The following WDR27 variants were observed in gnomAD, a reference collection of about 807,000 sequenced individuals.
WDR27 encodes the protein WD repeat domain 27, also known as WD repeat-containing protein 27.
WDR27 carries 100 observed loss-of-function variants against 114.4 expected under a neutral mutation model. The ratio of observed to expected loss-of-function variants is 0.87; its 90% CI spans 0.74 to 1.03. The LOEUF (loss-of-function observed/expected upper bound fraction) is 1.03. Among genes scored for constraint, WDR27 ranks in the 50% least tolerant of loss-of-function variants. The pLI is 0.00. For missense variants in WDR27, 1,129 were observed against 1,092.9 expected (o/e 1.03, Z -0.47); for synonymous variants, 449 against 423.1 (o/e 1.06, Z -0.75).
chr6:169,637,821 A>C (rs1424313082), intron 18 of WDR27, among the ~76,000 whole-genome samples: 1 of 151,812 alleles, frequency 6.6e-6, no homozygotes, highest in Non-Finnish European at 1.5e-5. Flanking sequence ...GCAAGTATGT[A>C]AGTGTGCGTA....
Position 169,654,530 on chromosome 6 carries a change from G to A in WDR27, c.1403-2522C>T, listed in dbSNP as rs957683131. 2.6e-5 allele frequency among the ~76,000 whole-genome samples: 4 copies of A among 152,210 alleles called. No homozygotes were observed. In the South Asian group the frequency reaches 6.2e-4, roughly 24 times the overall value. On this transcript the variant is annotated intron_variant, in intron 13 of 25. Transcript: ENST00000448612. ...CGAAATCATAAGACACCTCTGTATC[G>A]TCACTGGTTGCCAGACGGCTCAGGA...
intron 25 of WDR27, among the ~76,000 whole-genome samples, chr6:169,499,719 C>T (rs73789970): frequency 0.018 from 2,726 of 152,322 alleles, 82 homozygotes; most frequent in African/African-American, 0.062. Context: ...CTGCCACAGA[C>T]AGGCTCCTGT....
downstream of WDR27, among the ~76,000 whole-genome samples, chr6:169,453,856 TA>T (rs1258926398): frequency 6.6e-6 from 1 of 152,186 alleles, no homozygotes; most frequent in Non-Finnish European, 1.5e-5. Flanking sequence ...ACTTATAACC[TA>T]AACACAAAGC....
intron 24 of WDR27, among the ~76,000 whole-genome samples, chr6:169,578,165 A>G (rs1273883432): frequency 6.6e-6 from 1 of 152,206 alleles, no homozygotes; most frequent in Admixed American, 6.5e-5. Context: ...TGAGATTTCA[A>G]GCTGTAAGGC....
chr6:169,664,611 C>A, intron 7 of WDR27: 1 of 1,152,480 alleles, frequency 8.7e-7, no homozygotes, highest in Non-Finnish European at 1.1e-6. Context: ...AGCTTCACAG[C>A]CAAGAGCACG....
chr6:169,549,457 A>G (rs1460562325), intron 25 of WDR27, among the ~76,000 whole-genome samples: 1 of 152,186 alleles, frequency 6.6e-6, no homozygotes, highest in Non-Finnish European at 1.5e-5. Context: ...TTTGGAAGAC[A>G]ATTTGGCAGT....
intron 25 of WDR27, among the ~76,000 whole-genome samples, chr6:169,551,964 G>C (rs905466214): frequency 1.3e-5 from 2 of 152,124 alleles, no homozygotes; most frequent in Non-Finnish European, 2.9e-5. Flanking sequence ...CCCTGTCTTA[G>C]AAGTCAGATT....
chr6:169,602,697 T>G (rs1465168827), intron 22 of WDR27, among the ~76,000 whole-genome samples: 1 of 152,154 alleles, frequency 6.6e-6, no homozygotes, highest in Non-Finnish European at 1.5e-5. Context: ...AAACATTCTA[T>G]CGAGGGTGGT....
chr6:169,438,300 C>T, the WDR27 span, among the ~76,000 whole-genome samples: 12 of 145,232 alleles, frequency 8.3e-5, no homozygotes, highest in African/African-American at 1.5e-4. Context: ...TGCAGTGGCG[C>T]GATCTCAGCT....
At chr6:169,667,109 C>T (rs1389050264) in intron 6 of WDR27, 27 bp downstream of exon 6, 1 of 1,490,026 alleles carries the variant, frequency 6.7e-7, no homozygotes, top group Non-Finnish European at 8.9e-7. Flanking sequence ...AACCTATTTA[C>T]AGAAAACATG....
Position 169,598,643 on chromosome 6 carries a change from G to A in WDR27, c.2424+3576C>T, listed in dbSNP as rs539644775. ...GGGGAAACGAGAGATGTGCAGAGGA[G>A]GAAAGGCCACTTGGAGATGGACGCA... On this transcript the variant is annotated intron_variant, in intron 23 of 25. Coordinates refer to ENST00000448612, the MANE Select transcript of WDR27 (RefSeq NM_182552.5). Among the ~76,000 whole-genome samples, 9 of 152,318 alleles carry A rather than the reference G, an allele frequency of 5.9e-5. No homozygotes were observed. The South Asian group carries it at 1.9e-3, about 32-fold the overall frequency.
rs143750579 is a variant in WDR27, at chr6:169,568,084, G to A, written c.2645+4335C>T. ...GAGCGTCAGCTCCACCAGGAAGAGC[G>A]TCTCCCTCAGCAGGGCTTGGGGAGA... On this transcript the variant is annotated intron_variant, in intron 25 of 25. Coordinates refer to ENST00000448612, the MANE Select transcript of WDR27 (RefSeq NM_182552.5). Among the ~76,000 whole-genome samples the A allele has an allele frequency of 5.2e-3, 798 of 152,162 alleles. 6 individuals are homozygous for A. Among genetic ancestry groups the A allele is most frequent in the South Asian group, 0.029 (138 of 4,810 alleles).
At chr6:169,445,096 C>T in the WDR27 span, among the ~76,000 whole-genome samples, 11 of 152,286 alleles carry the variant, frequency 7.2e-5, no homozygotes, top group East Asian at 1.9e-4. Context: ...GCTGGCTTGC[C>T]GTGGTCCCAG....
chr6:169,505,382 T>G (rs997982670), intron 25 of WDR27, among the ~76,000 whole-genome samples: 1 of 152,178 alleles, frequency 6.6e-6, no homozygotes, highest in African/African-American at 2.4e-5. Context: ...AAAGCTCATA[T>G]TCATTTATCT....
At chr6:169,600,534 C>G (rs568510688) in intron 23 of WDR27, among the ~76,000 whole-genome samples, 1 of 152,044 alleles carries the variant, frequency 6.6e-6, no homozygotes, top group Non-Finnish European at 1.5e-5. Context: ...GGAGGAAGTT[C>G]GAACCCATGG....
At chr6:169,471,696 C>T (rs550357906) in intron 25 of WDR27, among the ~76,000 whole-genome samples, 6 of 152,200 alleles carry the variant, frequency 3.9e-5, no homozygotes, top group Admixed American at 3.9e-4. Flanking sequence ...TTTCTTCTTT[C>T]GTAAGACATT....
At chr6:169,570,694 T>A (rs929405472) in intron 25 of WDR27, among the ~76,000 whole-genome samples, 3 of 152,154 alleles carry the variant, frequency 2.0e-5, no homozygotes, top group African/African-American at 7.2e-5. Flanking sequence ...CCAGGCGTGG[T>A]GGCGGGCACC....
intron 25 of WDR27, among the ~76,000 whole-genome samples, chr6:169,564,905 T>C (rs758375262): frequency 2.6e-5 from 4 of 152,146 alleles, no homozygotes; most frequent in Non-Finnish European, 4.4e-5. Flanking sequence ...CCAACACCCA[T>C]GTGGACCCCA....
intron 25 of WDR27, among the ~76,000 whole-genome samples, chr6:169,557,232 G>A (rs1002580700): frequency 4.6e-5 from 7 of 152,224 alleles, no homozygotes; most frequent in African/African-American, 1.2e-4. Context: ...ACCAGAATGC[G>A]TGCAACATTG....
Sources: allele counts gnomAD v4.1 joint callset (sites outside exome capture counted in the v4.1 genomes callset), GRCh38; gene constraint gnomAD v4.1.1; transcripts MANE v1.5; gene names NCBI Gene and HGNC (gene_info 2026-07-23, HGNC 2026-07-21).